The following RBFOX1 variants were observed in gnomAD, a reference collection of about 807,000 sequenced individuals.
The protein encoded by RBFOX1 is RNA binding fox-1 homolog 1.
Under a neutral mutation model 57.7 loss-of-function variants are expected in RBFOX1, and 8 were observed. The observed-to-expected ratio is 0.14, with a 90% CI of 0.08 to 0.25. The LOEUF is 0.25. Among genes scored for constraint, RBFOX1 ranks in the 10% least tolerant of loss-of-function variants. The pLI, the probability that RBFOX1 is intolerant of heterozygous loss-of-function variation, is 1.00. For missense variants in RBFOX1, 611 were observed against 548.5 expected (o/e 1.11, Z -1.14); for synonymous variants, 326 against 222.4 (o/e 1.47, Z -4.15).
At chr16:6,697,197 T>A (rs2061180553) in intron 3 of RBFOX1, among the ~76,000 whole-genome samples, 1 of 152,208 alleles carries the variant, frequency 6.6e-6, no homozygotes, top group Admixed American at 6.5e-5. Flanking sequence ...TATTATAATA[T>A]GTATATATGG....
intron 2 of RBFOX1, among the ~76,000 whole-genome samples, chr16:6,531,055 C>T (rs1247594022): frequency 6.6e-6 from 1 of 152,196 alleles, no homozygotes; most frequent in African/African-American, 2.4e-5. Flanking sequence ...AATGTACTAG[C>T]AAACTGGCCC....
At chr16:6,067,523 CTTAATA>C (rs1490025209) in intron 1 of RBFOX1, among the ~76,000 whole-genome samples, 7 of 152,280 alleles carry the variant, frequency 4.6e-5, no homozygotes, top group African/African-American at 2.4e-5. Flanking sequence ...TATTACATAA[CTTAATA>C]TTAGGTAGAA....
chr16:6,766,259 T>C (rs903576347), intron 3 of RBFOX1, among the ~76,000 whole-genome samples: 4 of 152,242 alleles, frequency 2.6e-5, no homozygotes, highest in Admixed American at 2.0e-4. Context: ...ATTGTTTTTA[T>C]ACAGCTCTTT....
intron 4 of RBFOX1, among the ~76,000 whole-genome samples, chr16:7,167,329 G>A (rs767310325): frequency 2.0e-5 from 3 of 151,916 alleles, no homozygotes; most frequent in Non-Finnish European, 4.4e-5. Context: ...GGATCTCTAG[G>A]TGAAATCATC....
At chr16:7,377,220 T>C (rs970201991) in intron 4 of RBFOX1, among the ~76,000 whole-genome samples, 1 of 152,224 alleles carries the variant, frequency 6.6e-6, no homozygotes, top group South Asian at 2.1e-4. Flanking sequence ...CATGGAGATT[T>C]GCTTGACAGG....
At chr16:5,775,391 G>A (rs929308240) in intron 3 of RBFOX1, among the ~76,000 whole-genome samples, 2 of 152,206 alleles carry the variant, frequency 1.3e-5, no homozygotes, top group Non-Finnish European at 2.9e-5. Context: ...TGGAACAGAG[G>A]GGGTCACTGC....
chr16:6,734,072 C>T (rs2069408646), intron 3 of RBFOX1, among the ~76,000 whole-genome samples: 1 of 152,154 alleles, frequency 6.6e-6, no homozygotes, highest in Non-Finnish European at 1.5e-5. Context: ...ACTTATACCC[C>T]ACTGCCTGGG....
chr16:5,968,796 C>G (rs1035399040), intron 4 of RBFOX1, among the ~76,000 whole-genome samples: 1 of 151,850 alleles, frequency 6.6e-6, no homozygotes, highest in Non-Finnish European at 1.5e-5. Context: ...AGAATTTGTT[C>G]TTTTCTCTTG....
chr16:6,205,863 C>CTTTTTTTTTTTT, intron 1 of RBFOX1, among the ~76,000 whole-genome samples: 1 of 97,928 alleles, frequency 1.0e-5, no homozygotes, highest in Non-Finnish European at 1.8e-5. Context: ...CGAGATCATA[C>CTTTTTTTTTTTT]TTTTTTTTTT....
chr16:7,673,298 G>C (rs1252163754), intron 13 of RBFOX1, among the ~76,000 whole-genome samples: 2 of 152,130 alleles, frequency 1.3e-5, no homozygotes, highest in Non-Finnish European at 2.9e-5. Context: ...ATTGTCCCAA[G>C]GAGTTCCACA....
chr16:6,646,819 G>T (rs2098538298), intron 2 of RBFOX1, among the ~76,000 whole-genome samples: 1 of 152,068 alleles, frequency 6.6e-6, no homozygotes, highest in African/African-American at 2.4e-5. Context: ...TTTTTAGTAA[G>T]AGTGAGGGGT....
chr16:6,367,510 T>C (rs531659349), intron 2 of RBFOX1, among the ~76,000 whole-genome samples: 1 of 152,262 alleles, frequency 6.6e-6, no homozygotes, highest in Non-Finnish European at 1.5e-5. Flanking sequence ...GACCTCATGA[T>C]CCACCCATCT....
chr16:5,493,506 C>G (rs1276279428), intron 2 of RBFOX1, among the ~76,000 whole-genome samples: 2 of 152,232 alleles, frequency 1.3e-5, no homozygotes, highest in Non-Finnish European at 2.9e-5. Context: ...TACCCTGCCT[C>G]CATCAGCCTA....
intron 4 of RBFOX1, among the ~76,000 whole-genome samples, chr16:7,484,248 T>G (rs2064797124): frequency 6.6e-6 from 1 of 152,210 alleles, no homozygotes; most frequent in South Asian, 2.1e-4. Flanking sequence ...GACCAATTAA[T>G]GGACATTTGT....
chr16:5,375,561 A>G (rs557553196), intron 1 of RBFOX1, among the ~76,000 whole-genome samples: 110 of 152,278 alleles, frequency 7.2e-4, no homozygotes, highest in African/African-American at 2.4e-3. Context: ...CATCTGCAAA[A>G]TGGGGTAAGA....
At chr16:7,609,451 T>C (rs2056998685) in intron 10 of RBFOX1, among the ~76,000 whole-genome samples, 1 of 152,224 alleles carries the variant, frequency 6.6e-6, no homozygotes, top group African/African-American at 2.4e-5. Flanking sequence ...GACTGATTTG[T>C]AACTATAAGA....
chr16:6,590,001 C>G (rs2097688335), intron 2 of RBFOX1, among the ~76,000 whole-genome samples: 1 of 152,076 alleles, frequency 6.6e-6, no homozygotes, highest in South Asian at 2.1e-4. Context: ...GATAGAAAGG[C>G]CAAGAAGTAG....
intron 3 of RBFOX1, among the ~76,000 whole-genome samples, chr16:6,878,189 T>G (rs2062197367): frequency 6.6e-6 from 1 of 152,168 alleles, no homozygotes; most frequent in South Asian, 2.1e-4. Flanking sequence ...AAGCAATATA[T>G]TGTATGGTCA....
At position 7,074,068 on chromosome 16, in the gene RBFOX1, C is replaced by T. The variant is rs115572930; in HGVS notation, c.27+21970C>T. On this transcript the variant is annotated intron_variant, in intron 4 of 15. Coordinates refer to ENST00000550418, the MANE Select transcript of RBFOX1 (RefSeq NM_018723.4). ...TAACAAGAAGGTTGGACAGTTTCAA[C>T]GGAGACCATATGGCCCACAGAGCCT... 5.1e-3 allele frequency among the ~76,000 whole-genome samples: 778 copies of T among 152,234 alleles called. 3 individuals are homozygous for T. Among genetic ancestry groups the T allele is most frequent in the African/African-American group, 0.018 (732 of 41,552 alleles).
Sources: gnomAD v4.1 joint callset for allele counts (sites outside exome capture counted in the v4.1 genomes callset) on GRCh38, gnomAD v4.1.1 for gene constraint, MANE v1.5 for transcripts, NCBI Gene and HGNC (gene_info 2026-07-23, HGNC 2026-07-21) for gene names.